The following RERE variants were observed in gnomAD, a reference collection of about 807,000 sequenced individuals.
The protein encoded by RERE is arginine-glutamic acid dipeptide repeats.
In RERE, 40 loss-of-function variants were observed where a neutral mutation model predicts 146.1. The observed-to-expected ratio is 0.27, with a 90% CI of 0.21 to 0.36. RERE has a LOEUF of 0.36. RERE is among the 10% of genes least tolerant of loss of function. The probability of loss-of-function intolerance (pLI) is 1.00; values close to 1 mark genes in which losing one functional copy is unlikely to be tolerated. For synonymous variants in RERE, 1,003 were observed against 866.0 expected, an observed-to-expected ratio of 1.16 and a Z score of -2.78; for missense variants, 1,933 against 2,138.7, an observed-to-expected ratio of 0.90 and a Z score of 1.90.
intron 2 of RERE, among the ~76,000 whole-genome samples, chr1:8,654,167 G>A (rs1647795791): frequency 1.3e-5 from 2 of 151,810 alleles, no homozygotes; most frequent in Admixed American, 1.3e-4. Flanking sequence ...AGCCTCCTGA[G>A]TAGCTGGGAC....
At chr1:8,539,358 A>AAAAC (rs139417031) in intron 7 of RERE, among the ~76,000 whole-genome samples, 2 of 152,120 alleles carry the variant, frequency 1.3e-5, no homozygotes, top group Non-Finnish European at 2.9e-5. Flanking sequence ...TACTTTTGAA[A>AAAAC]AAACAAACAA....
chr1:8,607,392 A>G (rs1415980565), intron 4 of RERE, among the ~76,000 whole-genome samples: 1 of 151,484 alleles, frequency 6.6e-6, no homozygotes, highest in African/African-American at 2.4e-5. Flanking sequence ...ATTCCCATCA[A>G]AAAATACTAC....
intron 11 of RERE, among the ~76,000 whole-genome samples, chr1:8,440,501 G>C (rs1051661392): frequency 6.6e-6 from 1 of 150,790 alleles, no homozygotes; most frequent in Non-Finnish European, 1.5e-5. Flanking sequence ...TGAGGCAGGA[G>C]AATCACTTGA....
At chr1:8,524,500 A>G (rs1290788644) in intron 7 of RERE, among the ~76,000 whole-genome samples, 1 of 152,212 alleles carries the variant, frequency 6.6e-6, no homozygotes, top group African/African-American at 2.4e-5. Context: ...TTCTCCTTGT[A>G]TCAATGCATA....
Position 8,361,884 on chromosome 1 carries a change from GGA to G in RERE, c.1903-10_1903-9del, listed in dbSNP as rs1312068310. The G allele has an allele frequency of 6.9e-6, 11 of 1,603,714 alleles. No homozygotes were observed. The highest frequency in any genetic ancestry group is 8.5e-6 in the Non-Finnish European group (10 of 1,170,870). ...GGCTTCCTCCTTCACCTTCTGCAGG[GGA>G]AAAGCCCACAAGGAGCAATCAGGCC... On this transcript the variant is annotated splice_polypyrimidine_tract_variant and intron_variant, in intron 16 of 22. Coordinates refer to ENST00000400908, the MANE Select transcript of RERE (RefSeq NM_001042681.2).
At chr1:8,687,615 T>C (rs1034653884) in intron 1 of RERE, among the ~76,000 whole-genome samples, 2 of 152,226 alleles carry the variant, frequency 1.3e-5, no homozygotes, top group African/African-American at 4.8e-5. Context: ...CTAACATATT[T>C]GAATATACAA....
At chr1:8,617,175 TCTA>T (rs950276909) in intron 3 of RERE, among the ~76,000 whole-genome samples, 6 of 151,864 alleles carry the variant, frequency 4.0e-5, no homozygotes, top group Non-Finnish European at 8.8e-5. Context: ...AAACCCCGTC[TCTA>T]CTAAGAATAC....
chr1:8,358,755 G>A lies in RERE; in HGVS notation c.3780C>T (p.Ala1260=). The stretch of plus-strand genomic sequence containing the variant: ...TGGTGGGCGACATGACGTGGGGCCG[G>A]GCGTACTCGCTCAGAGTCCGAAGGG... The part of the protein sequence containing the change: ...TPALRTLSEY[A]RPHVMSPTNR... Residue 1260 remains alanine, a synonymous_variant, in exon 20 of 23, where the codon GCC becomes GCT. Transcript: ENST00000400908. The A allele has an allele frequency of 6.2e-7, 1 of 1,611,526 alleles. No individual in the cohort carries two copies. The highest frequency in any genetic ancestry group is 1.3e-5 in the African/African-American group (1 of 75,040).
intron 8 of RERE, among the ~76,000 whole-genome samples, chr1:8,506,592 A>G (rs552212423): frequency 5.8e-4 from 88 of 152,378 alleles, no homozygotes; most frequent in Non-Finnish European, 1.2e-3. Context: ...GTCTTTAGAC[A>G]TGATGGCCTT....
At chr1:8,590,253 C>A (rs1253380794) in intron 4 of RERE, among the ~76,000 whole-genome samples, 3 of 151,874 alleles carry the variant, frequency 2.0e-5, no homozygotes, top group African/African-American at 7.3e-5. Context: ...AGGGGTGGGG[C>A]CTGAATAAAA....
At chr1:8,550,846 C>T (rs1346914775) in intron 6 of RERE, among the ~76,000 whole-genome samples, 4 of 152,170 alleles carry the variant, frequency 2.6e-5, no homozygotes, top group Non-Finnish European at 5.9e-5. Flanking sequence ...CCGTGCCCGG[C>T]CACTAAAGGA....
chr1:8,405,767 T>C (rs1219410205), intron 12 of RERE, among the ~76,000 whole-genome samples: 1 of 152,044 alleles, frequency 6.6e-6, no homozygotes, highest in East Asian at 1.9e-4. Context: ...TTTTCCTGAG[T>C]AGCTGGGACT....
intron 11 of RERE, among the ~76,000 whole-genome samples, chr1:8,437,216 A>G (rs889659616): frequency 3.3e-5 from 5 of 152,206 alleles, no homozygotes; most frequent in African/African-American, 1.2e-4. Context: ...CTCCTGATAC[A>G]GGAGGGGCTC....
At chr1:8,720,579 C>T (rs531640562) in intron 1 of RERE, among the ~76,000 whole-genome samples, 2 of 152,016 alleles carry the variant, frequency 1.3e-5, no homozygotes. Flanking sequence ...GCAAGCGAGC[C>T]GGCAGGACTA....
At chr1:8,684,484 T>C (rs1639041213) in intron 1 of RERE, among the ~76,000 whole-genome samples, 1 of 151,954 alleles carries the variant, frequency 6.6e-6, no homozygotes, top group Non-Finnish European at 1.5e-5. Flanking sequence ...ATAAAATCAT[T>C]TTACCAACTG....
In RERE at chr1:8,358,912, G is replaced by A. The variant is rs757157743; in HGVS notation, c.3623C>T (p.Ala1208Val). 84 of 1,520,116 alleles carry A rather than the reference G, an allele frequency of 5.5e-5. No individual in the cohort carries two copies. Among genetic ancestry groups the A allele is most frequent in the Middle Eastern group, 3.7e-4 (2 of 5,378 alleles). 94.2% of individuals were successfully genotyped at this position (1,520,116 alleles called of 1,614,324 possible). ...GCGACCTTCATGCGCTGAGCTGGAC[G>A]CCTTCTGCAGAAGGAAAAGAAAGCG... ...REREAERAAKASSSAHEGRLS... is the reference protein window; with the variant it reads ...REREAERAAKVSSSAHEGRLS... Residue 1208 changes from alanine to valine, a missense_variant, in exon 20 of 23, where the codon GCG becomes GTG. By Grantham distance (64) the Ala-to-Val change is moderately conservative. Around this residue, in one of 11 missense-constraint regions of RERE, gnomAD observed 1,255 missense variants for 1,153.8 expected, o/e 1.09. Transcript: ENST00000400908.
At position 8,726,147 on chromosome 1, in the gene RERE, C is replaced by A. The variant is rs202112882; in HGVS notation, c.-144-69706G>T. ...AATTCCAGTTTTCCTTTTTTCTTTTCTTTTTTTTTTTTTTTTTTTTTTTTT... is the reference window on the plus strand; with the variant it reads ...AATTCCAGTTTTCCTTTTTTCTTTTATTTTTTTTTTTTTTTTTTTTTTTTT... On this transcript the variant is annotated intron_variant, in intron 1 of 22. Coordinates refer to ENST00000400908, the MANE Select transcript of RERE (RefSeq NM_001042681.2). Among the ~76,000 whole-genome samples the A allele has an allele frequency of 1.8e-3, 125 of 69,400 alleles. 1 individual carries two copies. The highest frequency in any genetic ancestry group is 3.1e-3 in the African/African-American group (47 of 15,334). The allele number at this position is 69,400 out of a possible 152,430, so 45.5% of individuals were successfully genotyped here.
At chr1:8,627,707 C>T (rs1400025012) in intron 2 of RERE, among the ~76,000 whole-genome samples, 2 of 151,888 alleles carry the variant, frequency 1.3e-5, no homozygotes, top group Non-Finnish European at 2.9e-5. Context: ...TTTAAATAAT[C>T]CATAGGATCA....
Position 8,355,082 on chromosome 1 carries a change from A to C in RERE, c.*5T>G, listed in dbSNP as rs765156961. 4 of 1,613,386 alleles carry C rather than the reference A, an allele frequency of 2.5e-6. No homozygotes were observed. The highest frequency in any genetic ancestry group is 3.4e-6 in the Non-Finnish European group (4 of 1,179,636). ...TTCCACAGCCAGCGTTAACAAATAA[A>C]TAACTTATAACTGCTTGTCACCTTC... On this transcript the variant is annotated 3_prime_UTR_variant, in exon 23 of 23. Coordinates refer to ENST00000400908, the MANE Select transcript of RERE (RefSeq NM_001042681.2).
Sources: allele counts gnomAD v4.1 joint callset (sites outside exome capture counted in the v4.1 genomes callset), GRCh38; gene constraint gnomAD v4.1.1; regional missense constraint gnomAD v4.1.1; transcripts MANE v1.5; gene names NCBI Gene and HGNC (gene_info 2026-07-23, HGNC 2026-07-21).